The following PSME4 variants were observed in gnomAD, a reference collection of about 807,000 sequenced individuals.
The protein encoded by PSME4 is proteasome activator subunit 4.
PSME4 carries 89 observed loss-of-function variants against 253.9 expected under a neutral mutation model. The observed-to-expected ratio is 0.35, with a 90% confidence interval of 0.30 to 0.42. The LOEUF (loss-of-function observed/expected upper bound fraction) is 0.42, where lower values mean the gene tolerates loss of function less well. PSME4 is among the 10% of genes least tolerant of loss of function. The probability of loss-of-function intolerance (pLI) is 1.00; values close to 1 mark genes in which losing one functional copy is unlikely to be tolerated. For missense variants in PSME4, 2,014 were observed against 2,195.2 expected (o/e 0.92, Z 1.65); for synonymous variants, 851 against 759.2 (o/e 1.12, Z -1.99).
At chr2:53,940,750 A>G (rs995785415) in intron 3 of PSME4, among the ~76,000 whole-genome samples, 1 of 150,412 alleles carries the variant, frequency 6.6e-6, no homozygotes, top group African/African-American at 2.4e-5. Context: ...TAAACAATGG[A>G]GCACTAGATA....
chr2:53,940,434 G>T (rs1471248232), intron 3 of PSME4, among the ~76,000 whole-genome samples: 1 of 152,072 alleles, frequency 6.6e-6, no homozygotes, highest in Non-Finnish European at 1.5e-5. Context: ...ACCAATTGAT[G>T]AGAGTTCGAT....
intron 1 of PSME4, among the ~76,000 whole-genome samples, chr2:53,965,164 C>T (rs1221161845): frequency 1.3e-5 from 2 of 152,050 alleles, no homozygotes; most frequent in Non-Finnish European, 2.9e-5. Flanking sequence ...AATCCATTCG[C>T]TTATTCTCCA....
intron 44 of PSME4, among the ~76,000 whole-genome samples, chr2:53,868,799 T>C (rs1252191101): frequency 6.6e-6 from 1 of 151,738 alleles, no homozygotes; most frequent in African/African-American, 2.4e-5. Context: ...TTTTCTATTA[T>C]GATTACAGTT....
chr2:53,907,734 C>T (rs1026269854), intron 24 of PSME4, among the ~76,000 whole-genome samples: 5 of 152,150 alleles, frequency 3.3e-5, no homozygotes, highest in African/African-American at 9.7e-5. Flanking sequence ...TAAAAGCATG[C>T]CATGTTTTTA....
chr2:53,908,633 T>TG, intron 22 of PSME4, 68 bp from the exon 23 acceptor site: 1 of 1,509,534 alleles, frequency 6.6e-7, no homozygotes, highest in Non-Finnish European at 8.9e-7. Flanking sequence ...CTTGAGGCAT[T>TG]AGTCAAGAAT....
At chr2:53,919,396 G>A (rs1043312850) in intron 19 of PSME4, 150 bp from the exon 20 acceptor site, 1 of 1,090,984 alleles carries the variant, frequency 9.2e-7, no homozygotes, top group Non-Finnish European at 1.2e-6. Context: ...TAACAGTGAA[G>A]AACAATTAAA....
chr2:53,922,291 T>A (rs746853760), intron 17 of PSME4, among the ~76,000 whole-genome samples: 1 of 152,222 alleles, frequency 6.6e-6, no homozygotes. Flanking sequence ...TTACCCATAT[T>A]AGAATTAACT....
chr2:53,914,773 C>A (rs753593312), intron 20 of PSME4, among the ~76,000 whole-genome samples: 4 of 151,992 alleles, frequency 2.6e-5, no homozygotes, highest in Non-Finnish European at 5.9e-5. Flanking sequence ...CCCAGCTACT[C>A]GGGAGGCTGA....
chr2:53,924,286 C>G (rs1265875942), intron 14 of PSME4, among the ~76,000 whole-genome samples: 1 of 152,196 alleles, frequency 6.6e-6, no homozygotes, highest in African/African-American at 2.4e-5. Context: ...TTTATACTAA[C>G]ATAATCATAG....
chr2:53,918,779 TA>T (rs1340439816), intron 20 of PSME4, among the ~76,000 whole-genome samples: 1 of 152,210 alleles, frequency 6.6e-6, no homozygotes, highest in Non-Finnish European at 1.5e-5. Context: ...TCTTTTTTTT[TA>T]AAGTTTTTTG....
At chr2:53,947,641 G>A (rs1374247850) in intron 3 of PSME4, among the ~76,000 whole-genome samples, 4 of 152,132 alleles carry the variant, frequency 2.6e-5, no homozygotes, top group African/African-American at 7.2e-5. Context: ...TGGAGGTGGA[G>A]CTTGCAGTGA....
chr2:53,960,599 T>C (rs1670445503), intron 1 of PSME4, among the ~76,000 whole-genome samples: 1 of 152,278 alleles, frequency 6.6e-6, no homozygotes, highest in South Asian at 2.1e-4. Flanking sequence ...AACAGCATGG[T>C]TCTACAACTC....
At chr2:53,965,091 A>T (rs147892201) in intron 1 of PSME4, among the ~76,000 whole-genome samples, 1,788 of 152,176 alleles carry the variant, frequency 0.012, 24 homozygotes, top group Non-Finnish European at 0.019. Context: ...GTTTAAACAC[A>T]CACACACACA....
In PSME4 at chr2:53,867,887, A is replaced by G. The variant is rs149764672; in HGVS notation, c.5264-1007T>C. On this transcript the variant is annotated intron_variant, in intron 44 of 46. Coordinates refer to ENST00000404125, the MANE Select transcript of PSME4 (RefSeq NM_014614.3). ...GAAGAATGTCTATTTCTTAAAACAG[A>G]GAATTGCAGCATGTCTGTATTCTAA... Among the ~76,000 whole-genome samples the G allele has an allele frequency of 3.2e-3, 487 of 152,236 alleles. 1 individual carries two copies. The highest frequency in any genetic ancestry group is 0.011 in the African/African-American group (470 of 41,534).
chr2:53,873,491 T>A (rs1678990453), intron 43 of PSME4, among the ~76,000 whole-genome samples: 1 of 152,188 alleles, frequency 6.6e-6, no homozygotes. Context: ...AAAATTCCAT[T>A]ACATTTTCTT....
At chr2:53,955,079 G>A (rs1013016244) in intron 1 of PSME4, among the ~76,000 whole-genome samples, 42 of 151,848 alleles carry the variant, frequency 2.8e-4, no homozygotes, top group African/African-American at 9.9e-4. Context: ...GCTGAAACAC[G>A]AGGAGCATCT....
At chr2:53,906,020 T>C (rs1265865900) in intron 26 of PSME4, among the ~76,000 whole-genome samples, 1 of 152,186 alleles carries the variant, frequency 6.6e-6, no homozygotes, top group African/African-American at 2.4e-5. Flanking sequence ...CTGGAGTATT[T>C]TGGGTTTCCA....
chr2:53,948,687 G>C, intron 2 of PSME4, 150 bp from the exon 3 acceptor site: 1 of 599,262 alleles, frequency 1.7e-6, no homozygotes, highest in Non-Finnish European at 3.0e-6. Flanking sequence ...GCAGAACATA[G>C]TATTAAGAAG....
intron 36 of PSME4, 83 bp downstream of exon 36, chr2:53,892,725 G>A: frequency 8.0e-7 from 1 of 1,242,938 alleles, no homozygotes; most frequent in Non-Finnish European, 1.1e-6. Flanking sequence ...TTAATTATCA[G>A]TATCTAATGT....
Sources: allele counts gnomAD v4.1 joint callset (sites outside exome capture counted in the v4.1 genomes callset), GRCh38; gene constraint gnomAD v4.1.1; transcripts MANE v1.5; gene names NCBI Gene and HGNC (gene_info 2026-07-23, HGNC 2026-07-21).